Variants in LAMA4 observed in about 807,000 individuals in gnomAD.
LAMA4 encodes the protein laminin subunit alpha 4.
In LAMA4, 127 loss-of-function variants were observed where a neutral mutation model predicts 207.1. The observed-to-expected ratio is 0.61, with a 90% CI of 0.53 to 0.71. The LOEUF is 0.71. Ranked by LOEUF, LAMA4 falls within the 30% of genes least tolerant of loss-of-function variation. The probability of loss-of-function intolerance (pLI) is 0.00; values close to 1 mark genes in which losing one functional copy is unlikely to be tolerated. For synonymous variants in LAMA4, 761 were observed against 816.0 expected, an observed-to-expected ratio of 0.93 and a Z score of 1.15; for missense variants, 2,093 against 2,246.5, an observed-to-expected ratio of 0.93 and a Z score of 1.38.
chr6:112,157,666 C>A (rs1554337319), intron 14 of LAMA4, among the ~76,000 whole-genome samples: 1 of 152,118 alleles, frequency 6.6e-6, no homozygotes, highest in Non-Finnish European at 1.5e-5. Context: ...ATTTTGGAAT[C>A]CCAATGAATG....
At position 112,128,051 on chromosome 6, in the gene LAMA4, A is replaced by G. The variant is rs576207629; in HGVS notation, c.4287+871T>C. On this transcript the variant is annotated intron_variant, in intron 31 of 38. Coordinates refer to ENST00000230538, the MANE Select transcript of LAMA4 (RefSeq NM_001105206.3). The stretch of plus-strand genomic sequence containing the variant: ...GAAGTGAAGGTCCAGGAAGGAGGGG[A>G]AAAACCAGGGTAAGATCAGAAACTT... Among the ~76,000 whole-genome samples, 33 of 152,166 alleles carry G rather than the reference A, an allele frequency of 2.2e-4. 1 individual carries two copies. Among genetic ancestry groups the G allele is most frequent in the Non-Finnish European group, 4.1e-4 (28 of 68,028 alleles).
intron 16 of LAMA4, among the ~76,000 whole-genome samples, chr6:112,151,944 C>A (rs1780428643): frequency 6.6e-6 from 1 of 152,008 alleles, no homozygotes; most frequent in Admixed American, 6.6e-5. Flanking sequence ...ATAAATGTGA[C>A]AAATTACAAT....
chr6:112,243,214 G>C (rs542829465), intron 2 of LAMA4, among the ~76,000 whole-genome samples: 1 of 152,094 alleles, frequency 6.6e-6, no homozygotes, highest in South Asian at 2.1e-4. Context: ...GTCTGTGGCT[G>C]GGTTGGTAAC....
intron 10 of LAMA4, 56 bp from the exon 11 acceptor site, chr6:112,175,536 A>G: frequency 6.3e-7 from 1 of 1,580,522 alleles, no homozygotes; most frequent in East Asian, 2.2e-5. Flanking sequence ...CAGGCACTAG[A>G]AATGCAAGGG....
intron 5 of LAMA4, among the ~76,000 whole-genome samples, chr6:112,195,400 T>C (rs532903866): frequency 2.0e-5 from 3 of 152,306 alleles, no homozygotes; most frequent in South Asian, 2.1e-4. Context: ...ATAAGAACTC[T>C]ATGCAAACAA....
intron 5 of LAMA4, among the ~76,000 whole-genome samples, chr6:112,195,374 T>C (rs1783353281): frequency 6.6e-6 from 1 of 152,220 alleles, no homozygotes; most frequent in South Asian, 2.1e-4. Context: ...TTGAGCAAGC[T>C]AGAGAGTAAG....
intron 2 of LAMA4, among the ~76,000 whole-genome samples, chr6:112,234,969 T>C (rs1554365543): frequency 1.3e-5 from 2 of 152,224 alleles, no homozygotes; most frequent in Non-Finnish European, 2.9e-5. Context: ...ATGATTACTC[T>C]GACCTTACAC....
Position 112,168,152 on chromosome 6 carries a change from C to T in LAMA4, c.1552-2876G>A, listed in dbSNP as rs553677614. ...GGCAGAGCTTGCAGTGAGCTGAGATCGCGCCACTGCACTCCAGCCTGGGCA... is the reference window on the plus strand; with the variant it reads ...GGCAGAGCTTGCAGTGAGCTGAGATTGCGCCACTGCACTCCAGCCTGGGCA... On this transcript the variant is annotated intron_variant, in intron 12 of 38. Coordinates refer to ENST00000230538, the MANE Select transcript of LAMA4 (RefSeq NM_001105206.3). 4.7e-5 allele frequency among the ~76,000 whole-genome samples: 7 copies of T among 149,292 alleles called. No homozygotes were observed. In the South Asian group the frequency reaches 1.3e-3, roughly 27 times the overall value.
At chr6:112,248,191 G>C (rs1411986712) in intron 2 of LAMA4, among the ~76,000 whole-genome samples, 2 of 152,148 alleles carry the variant, frequency 1.3e-5, no homozygotes, top group African/African-American at 2.4e-5. Flanking sequence ...CAATGCCACT[G>C]AACTGTGCCC....
chr6:112,254,029 G>A lies in LAMA4; in HGVS notation c.122C>T (p.Ala41Val), dbSNP rs553474007. The A allele has an allele frequency of 8.7e-5, 138 of 1,594,150 alleles. No individual in the cohort carries two copies. In the East Asian group the frequency reaches 1.1e-3, roughly 13 times the overall value. ...AFPFDIEGSS[A>V]VGRQDPPETS... is the part of the protein sequence containing the mutation. ...CTCAGGCGGGTCTTGCCTGCCAACC[G>A]CTGAGCTCCCTTCAATGTCAAAAGG... is the stretch of plus-strand genomic sequence containing the variant. The change falls in exon 2 of 39, where the codon GCG (alanine) becomes GTG (valine). Residue 41 changes from alanine (A) to valine (V), a missense_variant. This residue lies in a region of LAMA4 where 1,704 missense variants were observed against 1,788.4 expected (regional missense o/e 0.95). Coordinates refer to ENST00000230538, the MANE Select transcript of LAMA4 (RefSeq NM_001105206.3).
At chr6:112,204,364 A>G (rs1228795613) in intron 4 of LAMA4, among the ~76,000 whole-genome samples, 1 of 151,742 alleles carries the variant, frequency 6.6e-6, no homozygotes, top group African/African-American at 2.4e-5. Flanking sequence ...AAGACCAGGT[A>G]ATTTAGATAA....
In LAMA4 at chr6:112,152,037, T is replaced by C. The variant is rs552853603; in HGVS notation, c.2057-1410A>G. ...CATATATTGCACTTTATAGGTGTGC[T>C]AGATTTGATTTGCTAATATATTGAT... is the stretch of plus-strand genomic sequence containing the variant. On this transcript the variant is annotated intron_variant, in intron 16 of 38. Transcript: ENST00000230538. Among the ~76,000 whole-genome samples the C allele has an allele frequency of 1.4e-4, 21 of 152,276 alleles. 1 individual carries two copies. The South Asian group carries it at 3.7e-3, about 27-fold the overall frequency.
At chr6:112,227,651 A>G (rs1377444546) in intron 2 of LAMA4, among the ~76,000 whole-genome samples, 3 of 152,144 alleles carry the variant, frequency 2.0e-5, no homozygotes, top group Admixed American at 6.5e-5. Context: ...TATTATTAAC[A>G]CAGTTTAAAA....
At chr6:112,210,158 C>A (rs1336798861) in intron 3 of LAMA4, among the ~76,000 whole-genome samples, 7 of 151,864 alleles carry the variant, frequency 4.6e-5, no homozygotes, top group Non-Finnish European at 1.0e-4. Context: ...GAAGAGTGAG[C>A]CAATTATGCC....
chr6:112,216,681 C>A, intron 2 of LAMA4: 1 of 557,658 alleles, frequency 1.8e-6, no homozygotes, highest in South Asian at 2.0e-5. Flanking sequence ...TGTTACATAA[C>A]TTTTTCCCTC....
chr6:112,215,200 G>A (rs1178308493), intron 3 of LAMA4, among the ~76,000 whole-genome samples: 1 of 152,174 alleles, frequency 6.6e-6, no homozygotes, highest in Admixed American at 6.5e-5. Context: ...TGTGACAGAG[G>A]ACATCCTGGT....
At chr6:112,178,087 G>T in intron 10 of LAMA4, 34 bp downstream of exon 10, 1 of 1,415,532 alleles carries the variant, frequency 7.1e-7, no homozygotes, top group Non-Finnish European at 1.0e-6. Context: ...GTGTTTCCTT[G>T]ATATTAAACT....
At position 112,140,819 on chromosome 6, in the gene LAMA4, G is replaced by T; in HGVS notation, c.2917C>A (p.Leu973Met). The change falls in exon 22 of 39, where the codon CTG becomes ATG. Residue 973 changes from leucine (L) to methionine (M), a missense_variant. Leu to Met is a conservative substitution (Grantham distance 15, BLOSUM62 2). This residue lies in a region of LAMA4 where 1,704 missense variants were observed against 1,788.4 expected (regional missense o/e 0.95). Transcript: ENST00000230538. ...ACTGTGTCCTCAGGGTCCAGGTCCA[G>T]CAGAGAGTCATCTCCCGAAAATTCC... ...KGEFSGDDSL[L>M]DLDPEDTVFY... 6.2e-7 allele frequency: 1 copy of T among 1,614,036 alleles called. No homozygotes were observed. The highest frequency in any genetic ancestry group is 8.5e-7 in the Non-Finnish European group (1 of 1,179,938).
chr6:112,151,887 T>C (rs1780425484), intron 16 of LAMA4, among the ~76,000 whole-genome samples: 3 of 152,120 alleles, frequency 2.0e-5, no homozygotes, highest in Admixed American at 6.5e-5. Flanking sequence ...TGTTAAATAA[T>C]TTTTCTGCAT....
Sources: gnomAD v4.1 joint callset for allele counts (sites outside exome capture counted in the v4.1 genomes callset) on GRCh38, gnomAD v4.1.1 for gene constraint, gnomAD v4.1.1 regional missense constraint, MANE v1.5 for transcripts, NCBI Gene and HGNC (gene_info 2026-07-23, HGNC 2026-07-21) for gene names.